IQCK: variants seen among roughly 807,000 people sequenced by gnomAD.
The protein encoded by IQCK is IQ motif containing K.
In IQCK, 29 loss-of-function variants were observed where a neutral mutation model predicts 28.1. The observed-to-expected ratio is 1.03, with a 90% confidence interval of 0.77 to 1.41. The LOEUF (loss-of-function observed/expected upper bound fraction) is 1.41, where lower values mean the gene tolerates loss of function less well. IQCK is among the 40% of genes most tolerant of loss of function. IQCK has a pLI of 0.00. For synonymous variants in IQCK, 113 were observed against 115.1 expected (o/e 0.98, Z 0.12); for missense variants, 359 against 314.7 (o/e 1.14, Z -1.07).
chr16:19,735,421 C>T, exon 4 of IQCK: 1 of 1,613,728 alleles, frequency 6.2e-7, no homozygotes, highest in Admixed American at 1.7e-5. Flanking sequence ...TAGCCTGCTT[C>T]ACCAAGCGAA....
intron 7 of IQCK, among the ~76,000 whole-genome samples, chr16:19,815,065 G>A (rs2055967914): frequency 6.6e-6 from 1 of 152,160 alleles, no homozygotes; most frequent in Admixed American, 6.5e-5. Flanking sequence ...GGGATTATAG[G>A]CGTGAGCCAC....
rs1427028468 is a variant in IQCK at position 19,718,605 on chromosome 16, C to T, written c.181+118C>T. 6.5e-6 allele frequency: 6 copies of T among 927,434 alleles called. No individual in the cohort carries two copies. The South Asian group carries it at 1.1e-4, about 17-fold the overall frequency. The allele number at this position is 927,434 out of a possible 1,614,324, so 57.5% of individuals were successfully genotyped here. The stretch of plus-strand genomic sequence containing the variant: ...CGGGCGGGGCCGCCGGGCAGCGGCT[C>T]CGCGGGCCCGGGCTCCGCATTTTAC... On this transcript the variant is annotated intron_variant, in intron 1 of 7. Coordinates refer to ENST00000564186, the Ensembl canonical transcript of IQCK.
intron 9 of IQCK, among the ~76,000 whole-genome samples, chr16:19,837,037 TAA>T (rs1325960670): frequency 1.3e-5 from 2 of 152,194 alleles, no homozygotes; most frequent in East Asian, 3.8e-4. Flanking sequence ...TGGCCCATAA[TAA>T]GTGATCAATA....
At chr16:19,858,365 A>G in exon 10 of IQCK, 2 of 454,074 alleles carry the variant, frequency 4.4e-6, no homozygotes, top group East Asian at 3.4e-5. Flanking sequence ...CCATGGCTCA[A>G]AGATGGCTCT....
intron 7 of IQCK, among the ~76,000 whole-genome samples, chr16:19,824,635 T>C (rs1490415073): frequency 6.6e-6 from 1 of 152,248 alleles, no homozygotes; most frequent in Admixed American, 6.5e-5. Flanking sequence ...TTTGTGACTT[T>C]AACTTATCTT....
At chr16:19,821,838 C>A (rs1049438651) in intron 7 of IQCK, among the ~76,000 whole-genome samples, 1 of 151,942 alleles carries the variant, frequency 6.6e-6, no homozygotes, top group African/African-American at 2.4e-5. Context: ...CTTTGGGAGG[C>A]TGAGATAGGA....
chr16:19,745,107 G>A (rs2054890886), intron 4 of IQCK, among the ~76,000 whole-genome samples: 1 of 152,134 alleles, frequency 6.6e-6, no homozygotes, highest in East Asian at 1.9e-4. Flanking sequence ...TTCAAAAGAA[G>A]CACGAGTTAC....
At chr16:19,827,074 C>T (rs1331535405) in exon 8 of IQCK, 1 of 1,614,034 alleles carries the variant, frequency 6.2e-7, no homozygotes, top group Non-Finnish European at 8.5e-7. Context: ...GCAGAAGAAA[C>T]TTCGCGAGGC....
chr16:19,780,371 G>A (rs902966723), intron 6 of IQCK, among the ~76,000 whole-genome samples: 2 of 151,940 alleles, frequency 1.3e-5, no homozygotes, highest in Admixed American at 6.6e-5. Flanking sequence ...TATAGAGACA[G>A]TGTTGCCCTG....
chr16:19,726,614 T>C (rs1315221021), intron 1 of IQCK, among the ~76,000 whole-genome samples: 1 of 152,200 alleles, frequency 6.6e-6, no homozygotes, highest in African/African-American at 2.4e-5. Context: ...ATCATGTATG[T>C]AGCAACATTG....
intron 6 of IQCK, among the ~76,000 whole-genome samples, chr16:19,779,565 G>C (rs2055446335): frequency 6.6e-6 from 1 of 152,000 alleles, no homozygotes; most frequent in Admixed American, 6.5e-5. Flanking sequence ...CTGCCATCTG[G>C]ATAGCAGCTC....
rs1405906784 is a variant in IQCK at position 19,825,327 on chromosome 16, C to G, written c.691-1699C>G. Among the ~76,000 whole-genome samples the G allele has an allele frequency of 1.3e-5, 2 of 152,010 alleles. No homozygotes were observed. Among genetic ancestry groups the G allele is most frequent in the African/African-American group, 4.8e-5 (2 of 41,372 alleles). ...CTTGAGGTCAGGAGTTCGAGACCAG[C>G]CTGACCAACATGGTAAAACCCTGTC... is the stretch of plus-strand genomic sequence containing the variant. On this transcript the variant is annotated intron_variant, in intron 7 of 7. Transcript: ENST00000564186. This position sits in a 1 kb window ranked among gnomAD's most constrained non-coding sequence, Gnocchi z 4.2.
chr16:19,848,659 A>C (rs1188069108), intron 9 of IQCK, among the ~76,000 whole-genome samples: 1 of 152,110 alleles, frequency 6.6e-6, no homozygotes, highest in Non-Finnish European at 1.5e-5. Context: ...AGGCACTTTG[A>C]ATGGATCATC....
chr16:19,736,792 C>T (rs1978027956), intron 4 of IQCK, among the ~76,000 whole-genome samples: 1 of 151,942 alleles, frequency 6.6e-6, no homozygotes, highest in Admixed American at 6.6e-5. Flanking sequence ...GACACAGAGG[C>T]CTGAAATGTG....
At chr16:19,756,242 T>C (rs919726591) in intron 4 of IQCK, among the ~76,000 whole-genome samples, 2 of 152,132 alleles carry the variant, frequency 1.3e-5, no homozygotes, top group African/African-American at 4.8e-5. Flanking sequence ...GCTGGTGATA[T>C]TTGAGATACA....
intron 6 of IQCK, among the ~76,000 whole-genome samples, chr16:19,769,829 G>T (rs1330651281): frequency 1.3e-5 from 2 of 152,108 alleles, no homozygotes; most frequent in African/African-American, 2.4e-5. Flanking sequence ...CTTTATAGCC[G>T]TAAGGTATTG....
chr16:19,785,074 A>G (rs935871040), intron 6 of IQCK, among the ~76,000 whole-genome samples: 1 of 152,180 alleles, frequency 6.6e-6, no homozygotes, highest in African/African-American at 2.4e-5. Flanking sequence ...CCCCGCCTCA[A>G]TAACATTTGA....
At chr16:19,739,820 A>G (rs1234488232) in intron 4 of IQCK, among the ~76,000 whole-genome samples, 1 of 152,180 alleles carries the variant, frequency 6.6e-6, no homozygotes, top group Non-Finnish European at 1.5e-5. Flanking sequence ...GTCTCAAAAA[A>G]AAAAAGAGGA....
chr16:19,840,264 G>A (rs757150228), intron 9 of IQCK, among the ~76,000 whole-genome samples: 4 of 151,770 alleles, frequency 2.6e-5, no homozygotes, highest in Non-Finnish European at 5.9e-5. Context: ...GCTGAAGCAG[G>A]AGAATCGCTT....
Sources: allele counts gnomAD v4.1 joint callset (sites outside exome capture counted in the v4.1 genomes callset), GRCh38; gene constraint gnomAD v4.1.1; non-coding constraint Gnocchi (gnomAD v3.1); transcripts MANE v1.5; gene names NCBI Gene and HGNC (gene_info 2026-07-23, HGNC 2026-07-21).